The following SATB1 variants were observed in gnomAD, a reference collection of about 807,000 sequenced individuals.
SATB1 encodes the protein SATB homeobox 1.
SATB1 carries 11 observed loss-of-function variants against 86.9 expected under a neutral mutation model. The observed-to-expected ratio is 0.13, with a 90% CI of 0.08 to 0.21. SATB1 has a LOEUF of 0.21. Among genes scored for constraint, SATB1 ranks in the 10% least tolerant of loss-of-function variants. The pLI, the probability that SATB1 is intolerant of heterozygous loss-of-function variation, is 1.00. For missense variants in SATB1, 551 were observed against 937.6 expected (o/e 0.59, Z 5.39); for synonymous variants, 357 against 357.2 (o/e 1.00, Z 0.01).
At chr3:18,410,253 T>C (rs1017406475) in intron 5 of SATB1, among the ~76,000 whole-genome samples, 8 of 152,114 alleles carry the variant, frequency 5.3e-5, no homozygotes, top group African/African-American at 1.9e-4. Context: ...CTACAAGTAG[T>C]TATCACTACT....
intron 5 of SATB1, among the ~76,000 whole-genome samples, chr3:18,413,966 G>T (rs1697993310): frequency 6.6e-6 from 1 of 151,952 alleles, no homozygotes; most frequent in Admixed American, 6.6e-5. Context: ...TCCCTTCAAA[G>T]GTACCCAATA....
chr3:18,347,811 T>C lies in SATB1; in HGVS notation c.*1359A>G, dbSNP rs903298508. On this transcript the variant is annotated 3_prime_UTR_variant, in exon 11 of 11. Transcript: ENST00000338745. ...GTGTTTGTGATTTAAATTTACAGTG[T>C]TTCAAGTAACTTGTCAATTGCTCTT... 3 of 152,210 alleles carry C rather than the reference T, an allele frequency of 2.0e-5. No individual in the cohort carries two copies. Among genetic ancestry groups the C allele is most frequent in the Non-Finnish European group, 4.4e-5 (3 of 68,026 alleles). 9.4% of individuals were successfully genotyped at this position (152,210 alleles called of 1,614,324 possible).
At chr3:18,385,565 G>C (rs1696296833) in intron 8 of SATB1, among the ~76,000 whole-genome samples, 1 of 151,600 alleles carries the variant, frequency 6.6e-6, no homozygotes, top group South Asian at 2.1e-4. Flanking sequence ...AGAGCTTGCA[G>C]TGAGTGAAGA....
At chr3:18,419,403 C>G (rs753040772) in intron 2 of SATB1, among the ~76,000 whole-genome samples, 4 of 152,192 alleles carry the variant, frequency 2.6e-5, no homozygotes, top group Non-Finnish European at 4.4e-5. Context: ...GTCTTAGAAG[C>G]TTTTGCTGAA....
Position 18,358,698 on chromosome 3 carries a change from T to G in SATB1, c.1576-6503A>C, listed in dbSNP as rs562763854. ...GTGTGCATGTATGTATCCCCCAATA[T>G]GTTTATTTTTCAAAGTGTGGTTTCT... On this transcript the variant is annotated intron_variant, in intron 9 of 10. Transcript: ENST00000338745. 3.3e-5 allele frequency among the ~76,000 whole-genome samples: 5 copies of G among 152,098 alleles called. No homozygotes were observed. In the East Asian group the frequency reaches 7.7e-4, roughly 23 times the overall value.
chr3:18,420,997 A>G lies in SATB1; in HGVS notation c.-24-6T>C, dbSNP rs1208142683. On this transcript the variant is annotated splice_polypyrimidine_tract_variant and splice_region_variant and intron_variant, in intron 1 of 10. Coordinates refer to ENST00000338745, the MANE Select transcript of SATB1 (RefSeq NM_002971.6). ...AGTCACTGTCTAAAGATCACCTGCC[A>G]GAATTTAAAAAGAAGACACGTTATA... 1 of 1,606,662 alleles carries G rather than the reference A, an allele frequency of 6.2e-7. No individual in the cohort carries two copies. The highest frequency in any genetic ancestry group is 8.5e-7 in the Non-Finnish European group (1 of 1,173,370).
intron 8 of SATB1, among the ~76,000 whole-genome samples, chr3:18,385,540 G>A (rs1487523194): frequency 6.6e-6 from 1 of 151,648 alleles, no homozygotes; most frequent in Non-Finnish European, 1.5e-5. Context: ...GGAGAATGGC[G>A]TGAACCCGGG....
At chr3:18,442,669 A>T (rs1014269594), upstream of SATB1, among the ~76,000 whole-genome samples, 1 of 152,230 alleles carries the variant, frequency 6.6e-6, no homozygotes, top group Non-Finnish European at 1.5e-5. Flanking sequence ...AGGTAGTGAA[A>T]GATACAGCCA....
At chr3:18,398,395 T>C (rs1175294229) in intron 5 of SATB1, among the ~76,000 whole-genome samples, 1 of 152,164 alleles carries the variant, frequency 6.6e-6, no homozygotes, top group East Asian at 1.9e-4. Context: ...TGCAGAAACA[T>C]GAGAACTCAC....
At chr3:18,415,012 G>C (rs921314551) in intron 5 of SATB1, 99 bp downstream of exon 5, 3 of 1,384,500 alleles carry the variant, frequency 2.2e-6, no homozygotes, top group Non-Finnish European at 2.0e-6. Context: ...GCAGATTCTT[G>C]CTTCAGATAC....
At chr3:18,351,626 G>A in intron 10 of SATB1, 4 of 534,742 alleles carry the variant, frequency 7.5e-6, no homozygotes, top group East Asian at 3.1e-5. Context: ...TTTTCCTCAG[G>A]GGCACTGTGG....
At chr3:18,392,294 A>C (rs1196125333) in intron 7 of SATB1, among the ~76,000 whole-genome samples, 1 of 152,168 alleles carries the variant, frequency 6.6e-6, no homozygotes, top group African/African-American at 2.4e-5. Flanking sequence ...CCTTTCTTCC[A>C]GTAACAAATC....
At chr3:18,355,720 C>A (rs1694598143) in intron 9 of SATB1, among the ~76,000 whole-genome samples, 1 of 151,822 alleles carries the variant, frequency 6.6e-6, no homozygotes, top group Non-Finnish European at 1.5e-5. Context: ...ACTTGATATA[C>A]ATAAGACCAT....
At chr3:18,351,497 G>A (rs1694360550) in intron 10 of SATB1, 5 of 986,662 alleles carry the variant, frequency 5.1e-6, no homozygotes, top group Non-Finnish European at 7.5e-6. Flanking sequence ...GGTGAAGGAA[G>A]GGCCAAGGAC....
At chr3:18,384,647 AGTACC>A (rs1473885146) in intron 8 of SATB1, among the ~76,000 whole-genome samples, 41 of 152,310 alleles carry the variant, frequency 2.7e-4, no homozygotes, top group African/African-American at 7.2e-4. Context: ...CTACAGAAAA[AGTACC>A]AAACCAAATT....
upstream of SATB1, among the ~76,000 whole-genome samples, chr3:18,425,590 C>A (rs1659203745): frequency 6.6e-6 from 1 of 150,898 alleles, no homozygotes; most frequent in Non-Finnish European, 1.5e-5. Flanking sequence ...CGGCCCCGGG[C>A]GCGCAAGAAT....
In SATB1 at chr3:18,408,858, GT is replaced by G. The variant is rs1396756663; in HGVS notation, c.639+6252del. 5 of 151,900 alleles carry G rather than the reference GT, an allele frequency of 3.3e-5. No homozygotes were observed. The South Asian group carries it at 8.3e-4, about 25-fold the overall frequency. 9.4% of individuals were successfully genotyped at this position (151,900 alleles called of 1,614,324 possible). On this transcript the variant is annotated intron_variant, in intron 5 of 10. Coordinates refer to ENST00000338745, the MANE Select transcript of SATB1 (RefSeq NM_002971.6). Reference sequence around the variant, plus strand: ...TAGTTCTGTTTTAGCAAGAAAATCAGTTTGAGTAGCATGATTTGTTTAAGTT... The same window carrying G: ...TAGTTCTGTTTTAGCAAGAAAATCAGTTGAGTAGCATGATTTGTTTAAGTT...
chr3:18,378,818 T>TA (rs1396311391), intron 8 of SATB1, among the ~76,000 whole-genome samples: 3 of 152,238 alleles, frequency 2.0e-5, no homozygotes, highest in Non-Finnish European at 2.9e-5. Context: ...ATGTTTCATT[T>TA]AAAAAATCTT....
At chr3:18,371,893 T>C (rs1285374473) in intron 9 of SATB1, among the ~76,000 whole-genome samples, 2 of 152,236 alleles carry the variant, frequency 1.3e-5, no homozygotes, top group African/African-American at 4.8e-5. Context: ...TGACACTCAG[T>C]TTTAAGATTA....
Sources: allele counts gnomAD v4.1 joint callset (sites outside exome capture counted in the v4.1 genomes callset), GRCh38; gene constraint gnomAD v4.1.1; transcripts MANE v1.5; gene names NCBI Gene and HGNC (gene_info 2026-07-23, HGNC 2026-07-21).